CCSER2: variants seen among roughly 807,000 people sequenced by gnomAD.
CCSER2 encodes coiled-coil serine rich protein 2.
Under a neutral mutation model 92.3 loss-of-function variants are expected in CCSER2, and 46 were observed. The ratio of observed to expected loss-of-function variants is 0.50; its 90% CI spans 0.39 to 0.64. The LOEUF is 0.64. Ranked by LOEUF, CCSER2 falls within the 30% of genes least tolerant of loss-of-function variation. The pLI, the probability that CCSER2 is intolerant of heterozygous loss-of-function variation, is 0.00. For synonymous variants in CCSER2, 433 were observed against 431.4 expected, an observed-to-expected ratio of 1.00 and a Z score of -0.04; for missense variants, 1,244 against 1,238.9, an observed-to-expected ratio of 1.00 and a Z score of -0.06.
intron 5 of CCSER2, among the ~76,000 whole-genome samples, chr10:84,434,201 G>T (rs559882861): frequency 6.6e-5 from 10 of 152,210 alleles, no homozygotes; most frequent in Admixed American, 1.3e-4. Flanking sequence ...TTTAGTCTTA[G>T]AAAGTGATTT....
intron 9 of CCSER2, among the ~76,000 whole-genome samples, chr10:84,491,012 C>T (rs1848128596): frequency 6.6e-6 from 1 of 152,224 alleles, no homozygotes. Context: ...CCACTCCAGA[C>T]CCTGTTTGCC....
At chr10:84,472,103 C>T (rs560676566) in intron 8 of CCSER2, among the ~76,000 whole-genome samples, 144 of 151,884 alleles carry the variant, frequency 9.5e-4, no homozygotes, top group African/African-American at 3.3e-3. Flanking sequence ...TTAAAAACAG[C>T]ATAAAACTAA....
chr10:84,498,727 A>G (rs900803906), intron 9 of CCSER2, among the ~76,000 whole-genome samples: 24 of 152,300 alleles, frequency 1.6e-4, no homozygotes, highest in African/African-American at 5.5e-4. Context: ...ACTGGGTATG[A>G]TCATGATTTA....
intron 9 of CCSER2, among the ~76,000 whole-genome samples, chr10:84,502,114 G>C (rs970006897): frequency 2.0e-5 from 3 of 150,304 alleles, no homozygotes; most frequent in Admixed American, 6.7e-5. Flanking sequence ...ACTAATAAAG[G>C]GTTTTTTTTT....
chr10:84,402,355 G>C (rs1842163699), intron 3 of CCSER2, among the ~76,000 whole-genome samples: 1 of 152,058 alleles, frequency 6.6e-6, no homozygotes, highest in South Asian at 2.1e-4. Flanking sequence ...AGTCTTAAAA[G>C]TCTTAATATA....
intron 9 of CCSER2, among the ~76,000 whole-genome samples, chr10:84,484,215 A>T (rs972503878): frequency 2.0e-5 from 3 of 151,444 alleles, no homozygotes; most frequent in African/African-American, 7.3e-5. Context: ...TGATCTCGTG[A>T]TCCACCTGCC....
chr10:84,361,210 G>A lies in CCSER2; in HGVS notation c.-39-9804G>A, dbSNP rs147973423. Reference sequence around the variant, plus strand: ...TTGCTGTTGTGCTAGTCCACATTTGGCTTTTAAGCAGACATTAAAATGTTA... The same window carrying A: ...TTGCTGTTGTGCTAGTCCACATTTGACTTTTAAGCAGACATTAAAATGTTA... On this transcript the variant is annotated intron_variant, in intron 1 of 9. Coordinates refer to ENST00000372088, the MANE Select transcript of CCSER2 (RefSeq NM_001284240.2). 8.1e-4 allele frequency among the ~76,000 whole-genome samples: 124 copies of A among 152,284 alleles called. 1 individual carries two copies. The highest frequency in any genetic ancestry group is 2.8e-3 in the African/African-American group (116 of 41,562).
intron 3 of CCSER2, among the ~76,000 whole-genome samples, chr10:84,415,777 C>G (rs1423114365): frequency 6.6e-6 from 1 of 152,226 alleles, no homozygotes; most frequent in Non-Finnish European, 1.5e-5. Flanking sequence ...GACCAGACGG[C>G]AGAGATGGCG....
At chr10:84,488,740 C>T (rs1476645276) in intron 9 of CCSER2, among the ~76,000 whole-genome samples, 2 of 152,146 alleles carry the variant, frequency 1.3e-5, no homozygotes, top group Non-Finnish European at 2.9e-5. Flanking sequence ...CTATTTCCTT[C>T]AGTTCTGCTC....
At chr10:84,394,609 A>T (rs1841723834) in intron 3 of CCSER2, among the ~76,000 whole-genome samples, 1 of 152,132 alleles carries the variant, frequency 6.6e-6, no homozygotes, top group Admixed American at 6.6e-5. Flanking sequence ...ATTGCTGAGT[A>T]TAGGGTATGG....
intron 9 of CCSER2, among the ~76,000 whole-genome samples, chr10:84,481,158 G>A (rs969173272): frequency 2.6e-5 from 4 of 152,112 alleles, no homozygotes; most frequent in Admixed American, 2.0e-4. Flanking sequence ...CTCCACAAAC[G>A]AGGAAATACA....
intron 3 of CCSER2, among the ~76,000 whole-genome samples, chr10:84,385,561 A>G (rs1841154862): frequency 6.6e-6 from 1 of 152,208 alleles, no homozygotes; most frequent in Admixed American, 6.5e-5. Context: ...CATGTGAAGA[A>G]GAATGAAACT....
intron 9 of CCSER2, among the ~76,000 whole-genome samples, chr10:84,511,344 C>T (rs902353525): frequency 6.6e-6 from 1 of 152,102 alleles, no homozygotes; most frequent in Non-Finnish European, 1.5e-5. Context: ...GTGGTGAGTA[C>T]AAAACAGTAC....
At chr10:84,448,595 G>C (rs1447984433) in intron 6 of CCSER2, among the ~76,000 whole-genome samples, 1 of 152,202 alleles carries the variant, frequency 6.6e-6, no homozygotes, top group African/African-American at 2.4e-5. Flanking sequence ...TATTGAGACA[G>C]AATGTACATT....
intron 6 of CCSER2, among the ~76,000 whole-genome samples, chr10:84,454,377 T>C (rs1454656633): frequency 6.6e-6 from 1 of 152,200 alleles, no homozygotes; most frequent in African/African-American, 2.4e-5. Flanking sequence ...TCAAGTAATG[T>C]CATATTCACA....
intron 3 of CCSER2, among the ~76,000 whole-genome samples, chr10:84,414,281 G>A (rs1250188333): frequency 3.3e-5 from 5 of 152,176 alleles, no homozygotes; most frequent in Admixed American, 3.3e-4. Context: ...TGTAGTAGCT[G>A]GTAATGGTTT....
intron 6 of CCSER2, among the ~76,000 whole-genome samples, chr10:84,440,541 A>G (rs966896607): frequency 2.0e-5 from 3 of 152,134 alleles, no homozygotes; most frequent in Non-Finnish European, 2.9e-5. Context: ...ACCTCAGTCA[A>G]CCTGTTCTCA....
chr10:84,429,677 A>G (rs1383463699), intron 5 of CCSER2, among the ~76,000 whole-genome samples: 1 of 145,644 alleles, frequency 6.9e-6, no homozygotes. Context: ...CAACAGTTAA[A>G]TTATAATGCG....
chr10:84,387,673 C>T (rs558167523), intron 3 of CCSER2, among the ~76,000 whole-genome samples: 14 of 152,008 alleles, frequency 9.2e-5, no homozygotes, highest in Admixed American at 6.5e-4. Flanking sequence ...GAACTCCAGG[C>T]GTCCGCCACT....
Sources: gnomAD v4.1 joint callset for allele counts (sites outside exome capture counted in the v4.1 genomes callset) on GRCh38, gnomAD v4.1.1 for gene constraint, MANE v1.5 for transcripts, NCBI Gene and HGNC (gene_info 2026-07-23, HGNC 2026-07-21) for gene names.